The following SERPINF1 variants were observed in gnomAD, a reference collection of about 807,000 sequenced individuals.
The protein encoded by SERPINF1 is serpin family F member 1, also known as pigment epithelium-derived factor.
Under a neutral mutation model 37.3 loss-of-function variants are expected in SERPINF1, and 29 were observed. The ratio of observed to expected loss-of-function variants is 0.78; its 90% confidence interval spans 0.58 to 1.06. The LOEUF is 1.06. Ranked by LOEUF, SERPINF1 falls within the 50% of genes least tolerant of loss-of-function variation. The pLI, the probability that SERPINF1 is intolerant of heterozygous loss-of-function variation, is 0.00. For synonymous variants in SERPINF1, 281 were observed against 227.9 expected, an observed-to-expected ratio of 1.23 and a Z score of -2.10; for missense variants, 553 against 532.2, an observed-to-expected ratio of 1.04 and a Z score of -0.38.
rs1908125033 is a variant in SERPINF1, at chr17:1,777,562, C to T, written c.*116C>T. The stretch of plus-strand genomic sequence containing the variant: ...TGCATACAATAAAAGAGCTTTATCC[C>T]TAACTTCTGTTACTTCGTTCCTCCT... On this transcript the variant is annotated 3_prime_UTR_variant, in exon 8 of 8. Coordinates refer to ENST00000254722, the MANE Select transcript of SERPINF1 (RefSeq NM_002615.7). The T allele has an allele frequency of 1.5e-6, 2 of 1,304,860 alleles. No homozygotes were observed. The highest frequency in any genetic ancestry group is 2.2e-6 in the Non-Finnish European group (2 of 915,092). The allele number at this position is 1,304,860 out of a possible 1,614,324, so 80.8% of individuals were successfully genotyped here. A position where few individuals can be genotyped will look rare whatever the true frequency, so the allele number is the denominator to read the frequency against.
Position 1,771,063 on chromosome 17 carries a change from G to T in SERPINF1, c.318G>T (p.Arg106=). The change falls in exon 4 of 8, where the codon CGG becomes CGT. Residue 106 remains arginine, a synonymous_variant. Transcript: ENST00000254722. ...AGCGAACAGAATCCATCATTCACCGGGCTCTCTACTATGACTTGATCAGCA... is the reference window on the plus strand; with the variant it reads ...AGCGAACAGAATCCATCATTCACCGTGCTCTCTACTATGACTTGATCAGCA... ...AEQRTESIIH[R]ALYYDLISSP... 1.2e-6 allele frequency: 2 copies of T among 1,614,018 alleles called. No homozygotes were observed. Among genetic ancestry groups the T allele is most frequent in the South Asian group, 1.1e-5 (1 of 91,070 alleles).
intron 1 of SERPINF1, chr17:1,766,210 G>A (rs547973210): frequency 2.6e-5 from 4 of 152,488 alleles, no homozygotes; most frequent in East Asian, 1.9e-4. Context: ...CATACTCCAC[G>A]TGGAGAAGCC....
chr17:1,777,492 C>A lies in SERPINF1; in HGVS notation c.*46C>A, dbSNP rs781044520. ...ATACCCTAGAAGAAAACCCGAGGGA[C>A]AGCAGATTCCACAGGACACGAAGGC... is the stretch of plus-strand genomic sequence containing the variant. On this transcript the variant is annotated 3_prime_UTR_variant, in exon 8 of 8. Coordinates refer to ENST00000254722, the MANE Select transcript of SERPINF1 (RefSeq NM_002615.7). 3.1e-6 allele frequency: 5 copies of A among 1,612,772 alleles called. No homozygotes were observed. The Admixed American group carries it at 8.3e-5, about 27-fold the overall frequency.
At chr17:1,769,074 T>C (rs1019248029) in intron 2 of SERPINF1, among the ~76,000 whole-genome samples, 5 of 151,578 alleles carry the variant, frequency 3.3e-5, no homozygotes, top group African/African-American at 1.2e-4. Flanking sequence ...CCCAAAGTGC[T>C]GGGATTATAG....
intron 4 of SERPINF1, 146 bp from the exon 5 acceptor site, chr17:1,771,726 G>GC: frequency 1.3e-6 from 1 of 776,216 alleles, no homozygotes. Context: ...GATGCCAGCA[G>GC]AAGTCCTGGC....
chr17:1,771,978 C>CTGGGT lies in SERPINF1; in HGVS notation c.547_551dup (p.Gln185GlyfsTer6). On this transcript the variant is annotated frameshift_variant, in exon 5 of 8. Coordinates refer to ENST00000254722, the MANE Select transcript of SERPINF1 (RefSeq NM_002615.7). LOFTEE classifies it high-confidence loss of function. Reference sequence around the variant, plus strand: ...GCTTGGACCTGCAAGAGATCAACAACTGGGTGCAGGCGCAGATGAAAGGGA... The same window carrying CTGGGT: ...GCTTGGACCTGCAAGAGATCAACAACTGGGTTGGGTGCAGGCGCAGATGAAAGGGA... 6.2e-7 allele frequency: 1 copy of CTGGGT among 1,613,990 alleles called. No individual in the cohort carries two copies. The highest frequency in any genetic ancestry group is 8.5e-7 in the Non-Finnish European group (1 of 1,179,986).
intron 1 of SERPINF1, among the ~76,000 whole-genome samples, chr17:1,766,101 G>A (rs1175390697): frequency 6.6e-6 from 1 of 152,122 alleles, no homozygotes; most frequent in African/African-American, 2.4e-5. Flanking sequence ...GGAGACCTGG[G>A]TTCTGCCCCA....
Position 1,766,939 on chromosome 17 carries a change from T to A in SERPINF1, c.29T>A (p.Ile10Asn), listed in dbSNP as rs867577632. MQALVLLLC[I>N]GALLGHSSCQ... ...CAGGCCCTGGTGCTACTCCTCTGCA[T>A]TGGAGCCCTCCTCGGGCACAGCAGC... Residue 10 changes from isoleucine (I) to asparagine (N), a missense_variant, in exon 2 of 8, where the codon ATT (isoleucine) becomes AAT (asparagine). Ile to Asn is a moderately radical substitution (Grantham distance 149, BLOSUM62 -3). Transcript: ENST00000254722. 6.4e-7 allele frequency: 1 copy of A among 1,565,624 alleles called. No homozygotes were observed. The highest frequency in any genetic ancestry group is 1.2e-5 in the South Asian group (1 of 84,938).
rs1489327713 is a variant in SERPINF1, at chr17:1,763,532, A to C, written c.-9+1419A>C. Among the ~76,000 whole-genome samples, 4 of 152,172 alleles carry C rather than the reference A, an allele frequency of 2.6e-5. No homozygotes were observed. The East Asian group carries it at 7.7e-4, about 29-fold the overall frequency. On this transcript the variant is annotated intron_variant, in intron 1 of 7. Coordinates refer to ENST00000254722, the MANE Select transcript of SERPINF1 (RefSeq NM_002615.7). ...CAGCCAGCGGTCGCCTGCTCAGCCC[A>C]TGAGCAACCACTGTGGACAGGGTAT...
chr17:1,771,847 T>A, intron 4 of SERPINF1, 25 bp from the exon 5 acceptor site: 3 of 1,606,380 alleles, frequency 1.9e-6, no homozygotes, highest in Non-Finnish European at 2.5e-6. Flanking sequence ...TCTCATACGC[T>A]AACCTCTGCT....
chr17:1,775,633 C>T (rs933271040), intron 6 of SERPINF1, among the ~76,000 whole-genome samples: 6 of 152,068 alleles, frequency 3.9e-5, no homozygotes, highest in East Asian at 1.9e-4. Context: ...ACCTCCGCCC[C>T]GCTGGGTTAA....
intron 1 of SERPINF1, among the ~76,000 whole-genome samples, chr17:1,764,678 A>G (rs939037743): frequency 9.9e-5 from 15 of 152,204 alleles, no homozygotes; most frequent in Admixed American, 9.8e-4. Flanking sequence ...AGAGCCAACA[A>G]TCACACAACG....
chr17:1,765,107 G>A (rs911341777), intron 1 of SERPINF1, among the ~76,000 whole-genome samples: 1 of 149,860 alleles, frequency 6.7e-6, no homozygotes, highest in Non-Finnish European at 1.5e-5. Context: ...GCCTCTCAAA[G>A]TGCTGGGATT....
intron 4 of SERPINF1, among the ~76,000 whole-genome samples, 194 bp downstream of exon 4, chr17:1,771,378 A>G (rs1034330028): frequency 6.6e-6 from 1 of 151,424 alleles, no homozygotes; most frequent in Admixed American, 6.6e-5. Flanking sequence ...CCTCCCGAGT[A>G]GCTGGGACTG....
chr17:1,771,373 C>T (rs1344997375), intron 4 of SERPINF1, among the ~76,000 whole-genome samples, 189 bp downstream of exon 4: 3 of 151,736 alleles, frequency 2.0e-5, no homozygotes, highest in East Asian at 1.9e-4. Context: ...CTCAGCCTCC[C>T]GAGTAGCTGG....
chr17:1,767,605 C>T (rs1205188671), intron 2 of SERPINF1, among the ~76,000 whole-genome samples: 2 of 152,226 alleles, frequency 1.3e-5, no homozygotes, highest in Non-Finnish European at 2.9e-5. Flanking sequence ...AAGGCAGATA[C>T]AGGCACATGG....
At chr17:1,769,706 C>T in intron 2 of SERPINF1, 146 bp from the exon 3 acceptor site, 3 of 836,136 alleles carry the variant, frequency 3.6e-6, no homozygotes, top group Non-Finnish European at 6.1e-6. Context: ...AAAACTCATT[C>T]CCGTTTTAGG....
Position 1,765,809 on chromosome 17 carries a change from G to T in SERPINF1, c.-8-1094G>T, listed in dbSNP as rs1407720808. ...GAGTTCCAGGCTGTGGAGTGCTATG[G>T]TTGTGTAGTGAATAGCCACTACACT... On this transcript the variant is annotated intron_variant, in intron 1 of 7. Coordinates refer to ENST00000254722, the MANE Select transcript of SERPINF1 (RefSeq NM_002615.7). Among the ~76,000 whole-genome samples, 6 of 147,644 alleles carry T rather than the reference G, an allele frequency of 4.1e-5. No individual in the cohort carries two copies. The Admixed American group carries it at 4.2e-4, about 10-fold the overall frequency.
At position 1,771,196 on chromosome 17, in the gene SERPINF1, T is replaced by C. The variant is rs760358073; in HGVS notation, c.439+12T>C. On this transcript the variant is annotated intron_variant, in intron 4 of 7. Transcript: ENST00000254722. ...CGTCTTTGAGAAGAGTGAGTCGCCT[T>C]TGCAGCCCAAGTTGCCTGAGGCATG... 6.8e-6 allele frequency: 11 copies of C among 1,612,888 alleles called. No individual in the cohort carries two copies. The highest frequency in any genetic ancestry group is 1.7e-4 in the Middle Eastern group (1 of 5,976).
Sources: gnomAD v4.1 joint callset for allele counts (sites outside exome capture counted in the v4.1 genomes callset) on GRCh38, gnomAD v4.1.1 for gene constraint, MANE v1.5 for transcripts, NCBI Gene and HGNC (gene_info 2026-07-23, HGNC 2026-07-21) for gene names.